TRPM7: variants seen among roughly 807,000 people sequenced by gnomAD.
TRPM7 encodes transient receptor potential cation channel subfamily M member 7, also known as LTRPC ion channel family member 7.
TRPM7 carries 134 observed loss-of-function variants against 229.7 expected under a neutral mutation model. The ratio of observed to expected loss-of-function variants is 0.58; its 90% CI spans 0.51 to 0.67. TRPM7 has a LOEUF of 0.67. Among genes scored for constraint, TRPM7 ranks in the 30% least tolerant of loss-of-function variants. The probability of loss-of-function intolerance (pLI) is 0.00; values close to 1 mark genes in which losing one functional copy is unlikely to be tolerated. For missense variants in TRPM7, 1,901 were observed against 2,210.0 expected (o/e 0.86, Z 2.80); for synonymous variants, 699 against 715.2 (o/e 0.98, Z 0.36).
At position 50,638,358 on chromosome 15, in the gene TRPM7, CAAAAAAAAAAAAAAAAAAAA is replaced by C. The variant is rs60939201; in HGVS notation, c.661-785_661-766del. 6.7e-3 allele frequency among the ~76,000 whole-genome samples: 284 copies of C among 42,258 alleles called. 2 individuals carry two copies. Among genetic ancestry groups the C allele is most frequent in the Middle Eastern group, 0.032 (2 of 62 alleles). The allele number at this position is 42,258 out of a possible 152,430, so 27.7% of individuals were successfully genotyped here. On this transcript the variant is annotated intron_variant, in intron 6 of 38. Transcript: ENST00000646667. ...TGGGCGACAGAGCGAGACTCCGTCTCAAAAAAAAAAAAAAAAAAAAAAAAAAAAAAAAAAAAAAAAATTAG... is the reference window on the plus strand; with the variant it reads ...TGGGCGACAGAGCGAGACTCCGTCTCAAAAAAAAAAAAAAAAAAAAATTAG...
At chr15:50,636,133 G>A (rs1419468076) in intron 7 of TRPM7, among the ~76,000 whole-genome samples, 2 of 149,188 alleles carry the variant, frequency 1.3e-5, no homozygotes, top group Non-Finnish European at 3.0e-5. Flanking sequence ...AACTTGCGGT[G>A]CACAGAGAAA....
At position 50,570,088 on chromosome 15, in the gene TRPM7, A is replaced by G; in HGVS notation, c.5360+16T>C. 1.2e-6 allele frequency: 2 copies of G among 1,605,486 alleles called. No individual in the cohort carries two copies. The highest frequency in any genetic ancestry group is 1.1e-5 in the South Asian group (1 of 89,202). On this transcript the variant is annotated intron_variant, in intron 37 of 38. Transcript: ENST00000646667. ...ATGTGAAATTATGCCTTAATGAAAT[A>G]GTTAAAACTTATTACCTCTTTTCTT...
At chr15:50,674,378 C>T (rs961528996) in intron 1 of TRPM7, among the ~76,000 whole-genome samples, 1 of 152,010 alleles carries the variant, frequency 6.6e-6, no homozygotes, top group Non-Finnish European at 1.5e-5. Flanking sequence ...GTGATCCACC[C>T]GCCTCAGCCT....
At chr15:50,611,364 T>A in intron 16 of TRPM7, 43 bp from the exon 17 acceptor site, 1 of 1,488,350 alleles carries the variant, frequency 6.7e-7, no homozygotes, top group South Asian at 1.2e-5. Context: ...ATTAACAAAC[T>A]GCAATTTTAA....
intron 9 of TRPM7, among the ~76,000 whole-genome samples, chr15:50,632,618 TACTTTTCCTAAA>T (rs1331511347): frequency 1.3e-5 from 2 of 152,204 alleles, no homozygotes; most frequent in African/African-American, 2.4e-5. Flanking sequence ...GAGACCTAGT[TACTTTTCCTAAA>T]ACTTTTCCTA....
At chr15:50,594,781 T>C (rs566261648) in intron 23 of TRPM7, among the ~76,000 whole-genome samples, 168 bp from the exon 24 acceptor site, 71 of 152,220 alleles carry the variant, frequency 4.7e-4, no homozygotes, top group African/African-American at 1.7e-3. Flanking sequence ...AGGCAGTAAG[T>C]ATAAGGCAAA....
chr15:50,609,767 A>T (rs747490949), intron 18 of TRPM7, 39 bp downstream of exon 18: 1 of 1,595,294 alleles, frequency 6.3e-7, no homozygotes, highest in Non-Finnish European at 8.5e-7. Flanking sequence ...AATTATTCAG[A>T]ACAAACTTAT....
chr15:50,672,377 T>TA (rs2062009186), intron 1 of TRPM7, among the ~76,000 whole-genome samples: 2 of 151,798 alleles, frequency 1.3e-5, no homozygotes, highest in South Asian at 2.1e-4. Context: ...TTTTTTTTTT[T>TA]AACTGTAAAA....
At position 50,631,387 on chromosome 15, in the gene TRPM7, TTACAAA is replaced by T. The variant is rs778568982; in HGVS notation, c.1204+24_1204+29del. On this transcript the variant is annotated intron_variant, in intron 10 of 38. Transcript: ENST00000646667. ...ATATACATACATAAAATAAAAGGTC[TTACAAA>T]TAAAAAAGTTCTTAGAGGCTTACCT... 3.5e-6 allele frequency: 5 copies of T among 1,440,958 alleles called. No individual in the cohort carries two copies. The East Asian group carries it at 1.1e-4, about 33-fold the overall frequency. 89.3% of individuals were successfully genotyped at this position (1,440,958 alleles called of 1,614,324 possible).
intron 6 of TRPM7, among the ~76,000 whole-genome samples, chr15:50,638,206 A>C (rs1394484217): frequency 6.6e-6 from 1 of 150,912 alleles, no homozygotes; most frequent in African/African-American, 2.4e-5. Context: ...AAAAATACAA[A>C]AAATTAGCCG....
At chr15:50,618,431 G>A (rs544207001) in intron 13 of TRPM7, among the ~76,000 whole-genome samples, 1 of 151,926 alleles carries the variant, frequency 6.6e-6, no homozygotes, top group Non-Finnish European at 1.5e-5. Flanking sequence ...TTAGCCAGGC[G>A]TGGTGGCAGG....
intron 24 of TRPM7, 141 bp from the exon 25 acceptor site, chr15:50,593,890 A>C: frequency 1.3e-6 from 1 of 773,074 alleles, no homozygotes; most frequent in Non-Finnish European, 2.0e-6. Flanking sequence ...TATGCTTCTA[A>C]AGCACTAGAC....
At position 50,646,984 on chromosome 15, in the gene TRPM7, A is replaced by G. The variant is rs548971063; in HGVS notation, c.321+1703T>C. ...ATATAGCCTAGGCATATAGTAGGCT[A>G]TACCATCTAGGTCTGAATACACTCT... On this transcript the variant is annotated intron_variant, in intron 4 of 38. Transcript: ENST00000646667. Among the ~76,000 whole-genome samples the G allele has an allele frequency of 4.6e-5, 7 of 152,362 alleles. No homozygotes were observed. In the East Asian group the frequency reaches 1.3e-3, roughly 29 times the overall value.
rs771802089 is a variant in TRPM7 at position 50,613,793 on chromosome 15, G to C, written c.1684C>G (p.His562Asp). 55 of 1,613,722 alleles carry C rather than the reference G, an allele frequency of 3.4e-5. No homozygotes were observed. Among genetic ancestry groups the C allele is most frequent in the Non-Finnish European group, 4.4e-5 (52 of 1,179,936 alleles). The change falls in exon 15 of 39, where the codon CAT becomes GAT. Residue 562 changes from histidine to aspartate, a missense_variant. By Grantham distance (81) the His-to-Asp change is moderately conservative (BLOSUM62 -1). Coordinates refer to ENST00000646667, the MANE Select transcript of TRPM7 (RefSeq NM_017672.6). ...SSSTPQLRKS[H>D]ESFGNRADKK... The stretch of plus-strand genomic sequence containing the variant: ...TCTGCCCTATTGCCAAAAGATTCAT[G>C]ACTCTTTCGCAACTGAGGAGTGCTG...
At chr15:50,568,111 CAAAAAAAAA>C (rs57093955) in intron 38 of TRPM7, among the ~76,000 whole-genome samples, 3 of 81,438 alleles carry the variant, frequency 3.7e-5, no homozygotes, top group African/African-American at 1.6e-4. Flanking sequence ...GACTCTGTCT[CAAAAAAAAA>C]AAAAAAAAAA....
intron 15 of TRPM7, 51 bp downstream of exon 15, chr15:50,613,656 T>C: frequency 7.0e-7 from 1 of 1,432,256 alleles, no homozygotes; most frequent in Non-Finnish European, 9.2e-7. Flanking sequence ...CTAAGTAATT[T>C]AGAAAGAAGA....
chr15:50,630,441 T>C (rs970967746), intron 10 of TRPM7, among the ~76,000 whole-genome samples: 1 of 152,174 alleles, frequency 6.6e-6, no homozygotes, highest in African/African-American at 2.4e-5. Flanking sequence ...CGTCATAGTT[T>C]CTAATTTCTG....
intron 38 of TRPM7, among the ~76,000 whole-genome samples, chr15:50,569,395 C>A (rs2053762903): frequency 6.6e-6 from 1 of 152,184 alleles, no homozygotes; most frequent in South Asian, 2.1e-4. Flanking sequence ...AATTCTTCTG[C>A]AAGGCTAACT....
chr15:50,574,183 T>C (rs2054027866), intron 36 of TRPM7, 91 bp downstream of exon 36: 1 of 1,034,306 alleles, frequency 9.7e-7, no homozygotes, highest in Non-Finnish European at 1.4e-6. Flanking sequence ...TAAGATTTTA[T>C]TTATCTATAA....
Sources: gnomAD v4.1 joint callset for allele counts (sites outside exome capture counted in the v4.1 genomes callset) on GRCh38, gnomAD v4.1.1 for gene constraint, MANE v1.5 for transcripts, NCBI Gene and HGNC (gene_info 2026-07-23, HGNC 2026-07-21) for gene names.